Variants in TFAP2D observed in about 807,000 individuals in gnomAD.
TFAP2D encodes transcription factor AP-2-delta.
A neutral mutation model predicts 43.6 loss-of-function variants in TFAP2D; 9 were observed. That is an observed-to-expected ratio of 0.21 (90% CI 0.12 to 0.36). The LOEUF is 0.36. TFAP2D is among the 10% of genes least tolerant of loss of function. TFAP2D has a pLI of 1.00. For synonymous variants in TFAP2D, 256 were observed against 224.9 expected (o/e 1.14, Z -1.24); for missense variants, 513 against 561.4 (o/e 0.91, Z 0.87).
At position 50,713,640 on chromosome 6, in the gene TFAP2D, G is replaced by A. The variant is rs912186621; in HGVS notation, c.-416G>A. On this transcript the variant is annotated 5_prime_UTR_variant, in exon 1 of 8. An upstream start codon of the reference 5' UTR is lost. Transcript: ENST00000008391. ...AAGGTTGGAAAAAATGGATAAAAAT[G>A]TTGAAAGAACCTCCAGTTCCTTATT... Among the ~76,000 whole-genome samples, 5 of 152,114 alleles carry A rather than the reference G, an allele frequency of 3.3e-5. No individual in the cohort carries two copies. The highest frequency in any genetic ancestry group is 1.2e-4 in the African/African-American group (5 of 41,446).
intron 5 of TFAP2D, among the ~76,000 whole-genome samples, chr6:50,741,342 A>G (rs1561936495): frequency 6.6e-6 from 1 of 152,092 alleles, no homozygotes; most frequent in Non-Finnish European, 1.5e-5. Flanking sequence ...TTACATAGAT[A>G]AATTTGTGTT....
chr6:50,719,299 TC>T, intron 3 of TFAP2D, 149 bp downstream of exon 3: 1 of 823,460 alleles, frequency 1.2e-6, no homozygotes, highest in Non-Finnish European at 1.9e-6. Flanking sequence ...CACTGGCATA[TC>T]CACATTAAAA....
intron 7 of TFAP2D, among the ~76,000 whole-genome samples, chr6:50,758,593 C>T (rs529133445): frequency 7.2e-5 from 11 of 152,110 alleles, no homozygotes; most frequent in South Asian, 2.1e-4. Flanking sequence ...TCTGATTGCT[C>T]TATTCTTGGC....
At chr6:50,723,162 T>C (rs186803875) in intron 3 of TFAP2D, among the ~76,000 whole-genome samples, 113 of 152,368 alleles carry the variant, frequency 7.4e-4, no homozygotes, top group African/African-American at 2.3e-3. Flanking sequence ...GGTACAAACA[T>C]TGTCAGATCT....
chr6:50,715,501 G>T lies in TFAP2D; in HGVS notation c.425G>T (p.Arg142Leu), dbSNP rs749646189. ...CTGGGCTGCCTCGATGCCTACCGCC[G>T]CCATGACCTGTCCCTCATGAGCCAT... is the stretch of plus-strand genomic sequence containing the variant. Reference protein sequence around the residue: ...RELGCLDAYRRHDLSLMSHGS... With the variant: ...RELGCLDAYRLHDLSLMSHGS... Residue 142 changes from arginine (R) to leucine (L), a missense_variant, in exon 2 of 8, where the codon CGC becomes CTC. Transcript: ENST00000008391. 2 of 1,613,310 alleles carry T rather than the reference G, an allele frequency of 1.2e-6. No individual in the cohort carries two copies. Among genetic ancestry groups the T allele is most frequent in the South Asian group, 2.2e-5 (2 of 91,080 alleles).
Position 50,729,028 on chromosome 6 carries a change from C to T in TFAP2D, c.764+7C>T. Reference sequence around the variant, plus strand: ...TGGGAGGCATTTTGAGAAGGTAAGACAAAGCTATATTCTGGCACAGAATTT... The same window carrying T: ...TGGGAGGCATTTTGAGAAGGTAAGATAAAGCTATATTCTGGCACAGAATTT... On this transcript the variant is annotated splice_region_variant and intron_variant, in intron 4 of 7. Transcript: ENST00000008391. 6.2e-7 allele frequency: 1 copy of T among 1,613,294 alleles called. No homozygotes were observed. The highest frequency in any genetic ancestry group is 1.1e-5 in the South Asian group (1 of 91,032).
intron 7 of TFAP2D, among the ~76,000 whole-genome samples, chr6:50,771,121 C>T (rs1190022756): frequency 1.3e-5 from 2 of 152,188 alleles, no homozygotes; most frequent in African/African-American, 2.4e-5. Flanking sequence ...GTTACCATAA[C>T]ATTCCTTATA....
intron 3 of TFAP2D, among the ~76,000 whole-genome samples, chr6:50,728,206 A>T (rs1259701378): frequency 2.6e-5 from 4 of 152,220 alleles, no homozygotes; most frequent in African/African-American, 9.6e-5. Context: ...ACATTTAATA[A>T]GTATTATGAT....
intron 5 of TFAP2D, among the ~76,000 whole-genome samples, chr6:50,738,934 G>T (rs1320152582): frequency 2.6e-5 from 4 of 152,114 alleles, no homozygotes; most frequent in African/African-American, 9.7e-5. Context: ...TTTGGAAGAT[G>T]TGCAGTTCAT....
intron 3 of TFAP2D, among the ~76,000 whole-genome samples, chr6:50,722,269 C>G (rs1378612716): frequency 6.6e-6 from 1 of 152,218 alleles, no homozygotes; most frequent in Admixed American, 6.5e-5. Flanking sequence ...ATAATCTTTA[C>G]TTTACCCTGT....
At chr6:50,726,976 A>C (rs2047751824) in intron 3 of TFAP2D, among the ~76,000 whole-genome samples, 1 of 152,162 alleles carries the variant, frequency 6.6e-6, no homozygotes, top group Non-Finnish European at 1.5e-5. Flanking sequence ...CAAGAAATGG[A>C]TTTTAATTTG....
chr6:50,753,603 G>C (rs936758477), intron 7 of TFAP2D, among the ~76,000 whole-genome samples: 9 of 137,346 alleles, frequency 6.6e-5, no homozygotes, highest in Admixed American at 4.3e-4. Context: ...CTCACCCCTA[G>C]TGAAAAAGAA....
chr6:50,729,606 C>T (rs79562435), intron 5 of TFAP2D, among the ~76,000 whole-genome samples: 4 of 152,082 alleles, frequency 2.6e-5, no homozygotes, highest in African/African-American at 4.8e-5. Context: ...AAATTGGCAG[C>T]GCTCTTGTCA....
chr6:50,765,722 T>C (rs866413758), intron 7 of TFAP2D, among the ~76,000 whole-genome samples: 6 of 152,266 alleles, frequency 3.9e-5, no homozygotes, highest in Middle Eastern at 3.4e-3. Flanking sequence ...GTTTTTTTTT[T>C]CCTATTGAGT....
chr6:50,757,696 T>A (rs1230609227), intron 7 of TFAP2D, among the ~76,000 whole-genome samples: 8 of 79,068 alleles, frequency 1.0e-4, no homozygotes, highest in South Asian at 3.6e-4. Context: ...ATATATATAA[T>A]TATTCTATAT....
intron 5 of TFAP2D, among the ~76,000 whole-genome samples, chr6:50,734,924 A>C (rs1768942139): frequency 6.6e-6 from 1 of 152,108 alleles, no homozygotes; most frequent in South Asian, 2.1e-4. Context: ...AGAGCCACTA[A>C]ATAAAAATTA....
At chr6:50,738,732 T>G (rs911451306) in intron 5 of TFAP2D, among the ~76,000 whole-genome samples, 19 of 152,318 alleles carry the variant, frequency 1.2e-4, no homozygotes, top group African/African-American at 4.3e-4. Flanking sequence ...GCTGAAGTCT[T>G]TGTTTCCCTA....
intron 7 of TFAP2D, among the ~76,000 whole-genome samples, chr6:50,758,515 G>T (rs1202746561): frequency 6.6e-6 from 1 of 151,744 alleles, no homozygotes; most frequent in African/African-American, 2.4e-5. Flanking sequence ...CTCTTCAAGG[G>T]TTATTCATTC....
intron 5 of TFAP2D, among the ~76,000 whole-genome samples, chr6:50,740,669 C>T (rs1429313906): frequency 6.6e-6 from 1 of 152,088 alleles, no homozygotes; most frequent in Non-Finnish European, 1.5e-5. Context: ...AAACTCCTGA[C>T]CTCGTGATCC....
Sources: gnomAD v4.1 joint callset for allele counts (sites outside exome capture counted in the v4.1 genomes callset) on GRCh38, gnomAD v4.1.1 for gene constraint, MANE v1.5 for transcripts, NCBI Gene and HGNC (gene_info 2026-07-23, HGNC 2026-07-21) for gene names.